VDAC1: variants seen among roughly 807,000 people sequenced by gnomAD.
The protein encoded by VDAC1 is non-selective voltage-gated ion channel VDAC1.
A neutral mutation model predicts 34.7 loss-of-function variants in VDAC1; 10 were observed. The observed-to-expected ratio is 0.29, with a 90% CI of 0.18 to 0.49. VDAC1 has a LOEUF of 0.49. Ranked by LOEUF, VDAC1 falls within the 20% of genes least tolerant of loss-of-function variation. The pLI, the probability that VDAC1 is intolerant of heterozygous loss-of-function variation, is 0.99. For synonymous variants in VDAC1, 130 were observed against 136.0 expected (o/e 0.96, Z 0.30); for missense variants, 230 against 347.9 (o/e 0.66, Z 2.69).
chr5:134,060,880 C>CTTTTTTTTTG, the VDAC1 span, among the ~76,000 whole-genome samples: 1 of 98,682 alleles, frequency 1.0e-5, no homozygotes, highest in African/African-American at 4.4e-5. Context: ...TCTTCTTCTT[C>CTTTTTTTTTG]TTTTTTTTTT....
At chr5:134,036,964 CA>C in the VDAC1 span, among the ~76,000 whole-genome samples, 132,465 of 150,522 alleles carry the variant, frequency 0.88, 58,396 homozygotes, top group East Asian at 0.97. Flanking sequence ...AAAAAAAAAA[CA>C]AAAAAACAAC....
intron 5 of VDAC1, among the ~76,000 whole-genome samples, chr5:133,983,587 G>A (rs748410704): frequency 4.6e-5 from 7 of 151,976 alleles, no homozygotes; most frequent in Non-Finnish European, 5.9e-5. Context: ...AATTCTCAAT[G>A]AGACAAGAAT....
rs189700056 is a variant in VDAC1 at position 133,986,413 on chromosome 5, T to C, written c.323+4442A>G. Among the ~76,000 whole-genome samples the C allele has an allele frequency of 3.9e-5, 6 of 152,252 alleles. No individual in the cohort carries two copies. In the East Asian group the frequency reaches 5.8e-4, roughly 15 times the overall value. On this transcript the variant is annotated intron_variant, in intron 5 of 8. Transcript: ENST00000265333. Reference sequence around the variant, plus strand: ...CCAGAATTTTAGTTTTGTTTTTTTTTTGAGATGGAGTCTTGCTCTGTCGCC... The same window carrying C: ...CCAGAATTTTAGTTTTGTTTTTTTTCTGAGATGGAGTCTTGCTCTGTCGCC...
chr5:134,061,561 T>TG, the VDAC1 span, among the ~76,000 whole-genome samples: 1 of 151,492 alleles, frequency 6.6e-6, no homozygotes, highest in East Asian at 1.9e-4. Context: ...TTTGTAGAGA[T>TG]GGGGTCTCCC....
the VDAC1 span, among the ~76,000 whole-genome samples, chr5:134,078,550 G>A: frequency 6.6e-6 from 1 of 152,118 alleles, no homozygotes; most frequent in South Asian, 2.1e-4. Flanking sequence ...CAGATGGAAG[G>A]CCACCCTGAG....
the VDAC1 span, among the ~76,000 whole-genome samples, chr5:134,093,048 C>T: frequency 6.6e-6 from 1 of 152,230 alleles, no homozygotes; most frequent in South Asian, 2.1e-4. Context: ...GGATTCATGA[C>T]CCTGAGTCAT....
the VDAC1 span, among the ~76,000 whole-genome samples, chr5:134,016,697 T>A: frequency 6.6e-6 from 1 of 151,970 alleles, no homozygotes; most frequent in Non-Finnish European, 1.5e-5. Context: ...GCATGAAAAA[T>A]AGAAAAATAA....
At chr5:134,008,422 TC>T (rs1273624454), upstream of VDAC1, among the ~76,000 whole-genome samples, 14 of 152,236 alleles carry the variant, frequency 9.2e-5, no homozygotes, top group Non-Finnish European at 1.0e-4. Flanking sequence ...ATGTAAAACA[TC>T]CAGGGAAAAT....
intron 5 of VDAC1, 81 bp downstream of exon 5, chr5:133,990,774 C>T: frequency 6.7e-7 from 1 of 1,483,760 alleles, no homozygotes; most frequent in Admixed American, 2.3e-5. Flanking sequence ...TGTCAGCCCC[C>T]AAAACATTTT....
the VDAC1 span, among the ~76,000 whole-genome samples, chr5:134,055,516 T>A: frequency 6.6e-6 from 1 of 151,068 alleles, no homozygotes; most frequent in Non-Finnish European, 1.5e-5. Context: ...GCCACCCGGG[T>A]TCTTGTCATT....
chr5:134,068,212 C>A, the VDAC1 span, among the ~76,000 whole-genome samples: 1 of 151,528 alleles, frequency 6.6e-6, no homozygotes, highest in South Asian at 2.1e-4. Context: ...TTTTTTTTCT[C>A]ATTTTAAACC....
the VDAC1 span, among the ~76,000 whole-genome samples, chr5:134,032,753 C>T: frequency 6.6e-6 from 1 of 152,140 alleles, no homozygotes; most frequent in Admixed American, 6.6e-5. Flanking sequence ...GAAATAAAGC[C>T]AGGAGCAGTG....
At chr5:134,050,812 G>A in the VDAC1 span, among the ~76,000 whole-genome samples, 2 of 152,186 alleles carry the variant, frequency 1.3e-5, no homozygotes, top group South Asian at 2.1e-4. Flanking sequence ...GGCTTTGGGC[G>A]AGTGTGGTGG....
At chr5:134,015,940 G>A in the VDAC1 span, among the ~76,000 whole-genome samples, 5 of 152,046 alleles carry the variant, frequency 3.3e-5, no homozygotes, top group Admixed American at 2.6e-4. Flanking sequence ...ACGGTGCCCC[G>A]TCTACACCCA....
the VDAC1 span, among the ~76,000 whole-genome samples, chr5:134,026,054 C>T: frequency 6.8e-4 from 104 of 152,182 alleles, no homozygotes; most frequent in African/African-American, 2.3e-3. Flanking sequence ...GAGTCATTGC[C>T]GGGCAAGCAG....
chr5:134,028,155 C>T, the VDAC1 span, among the ~76,000 whole-genome samples: 1 of 149,432 alleles, frequency 6.7e-6, no homozygotes, highest in African/African-American at 2.5e-5. Flanking sequence ...TATTTAGAGA[C>T]AGAGTCTCAC....
intron 7 of VDAC1, among the ~76,000 whole-genome samples, chr5:133,975,661 G>A (rs1752449345): frequency 6.6e-6 from 1 of 151,970 alleles, no homozygotes; most frequent in Non-Finnish European, 1.5e-5. Flanking sequence ...GTTTCACCGT[G>A]TTGGCGAGGC....
the VDAC1 span, among the ~76,000 whole-genome samples, chr5:134,113,899 C>G: frequency 1.3e-5 from 2 of 152,182 alleles, no homozygotes; most frequent in Admixed American, 6.5e-5. Context: ...TGTCGGAATC[C>G]CGCGCCCACG....
chr5:134,046,722 G>A, the VDAC1 span, among the ~76,000 whole-genome samples: 1 of 152,244 alleles, frequency 6.6e-6, no homozygotes, highest in Non-Finnish European at 1.5e-5. Flanking sequence ...AAAGGAAAAG[G>A]ACTACCCCAC....
Sources: gnomAD v4.1 joint callset for allele counts (sites outside exome capture counted in the v4.1 genomes callset) on GRCh38, gnomAD v4.1.1 for gene constraint, MANE v1.5 for transcripts, NCBI Gene and HGNC (gene_info 2026-07-23, HGNC 2026-07-21) for gene names.